Variants in RAB3IP observed in about 807,000 individuals in gnomAD.
RAB3IP encodes the protein RAB3A interacting protein.
RAB3IP carries 36 observed loss-of-function variants against 59.1 expected under a neutral mutation model. The observed-to-expected ratio is 0.61, with a 90% CI of 0.47 to 0.80. The LOEUF is 0.80. RAB3IP is among the 30% of genes least tolerant of loss of function. The pLI is 0.00. For synonymous variants in RAB3IP, 207 were observed against 191.2 expected, an observed-to-expected ratio of 1.08 and a Z score of -0.68; for missense variants, 511 against 536.0, an observed-to-expected ratio of 0.95 and a Z score of 0.46.
Position 69,806,476 on chromosome 12 carries a change from G to T in RAB3IP, c.1130+4755G>T, listed in dbSNP as rs1235706884. ...CTGGATTCATTGATTTTTTTGAAGG[G>T]TTTTTTGCGTCTCTATTTCCTTCAG... On this transcript the variant is annotated intron_variant, in intron 8 of 10. Transcript: ENST00000247833. 3.3e-5 allele frequency among the ~76,000 whole-genome samples: 5 copies of T among 149,978 alleles called. No individual in the cohort carries two copies. The East Asian group carries it at 7.8e-4, about 24-fold the overall frequency.
At position 69,816,494 on chromosome 12, in the gene RAB3IP, T is replaced by C. The variant is rs765488668; in HGVS notation, c.*1048T>C. 2 of 152,102 alleles carry C rather than the reference T, an allele frequency of 1.3e-5. No individual in the cohort carries two copies. Among genetic ancestry groups the C allele is most frequent in the Non-Finnish European group, 2.9e-5 (2 of 68,034 alleles). 9.4% of individuals were successfully genotyped at this position (152,102 alleles called of 1,614,324 possible). ...TTGCTTTTTAAACCTAAACATTAAATATATTTTCCCTTGGGTAAACCTACA... is the reference window on the plus strand; with the variant it reads ...TTGCTTTTTAAACCTAAACATTAAACATATTTTCCCTTGGGTAAACCTACA... On this transcript the variant is annotated 3_prime_UTR_variant, in exon 11 of 11. Coordinates refer to ENST00000247833, the MANE Select transcript of RAB3IP (RefSeq NM_022456.5).
chr12:69,746,938 A>C (rs1442993767), intron 1 of RAB3IP, among the ~76,000 whole-genome samples: 1 of 152,210 alleles, frequency 6.6e-6, no homozygotes, highest in Non-Finnish European at 1.5e-5. Flanking sequence ...TGCTTACATA[A>C]TCTTAAACCT....
At chr12:69,804,262 T>C (rs1387339436) in intron 8 of RAB3IP, among the ~76,000 whole-genome samples, 1 of 152,254 alleles carries the variant, frequency 6.6e-6, no homozygotes, top group Non-Finnish European at 1.5e-5. Flanking sequence ...ATGATGAGCA[T>C]TTTTTCATGT....
rs904402752 is a variant in RAB3IP, at chr12:69,822,944, T to C, written c.*7498T>C. ...GCTCATGTTTTAAGAAATATACTTA[T>C]TGTTTAATATATCCTGTACCACTGT... On this transcript the variant is annotated 3_prime_UTR_variant, in exon 11 of 11. Transcript: ENST00000247833. 6.6e-6 allele frequency: 1 copy of C among 152,182 alleles called. No homozygotes were observed. Among genetic ancestry groups the C allele is most frequent in the Non-Finnish European group, 1.5e-5 (1 of 68,030 alleles). 9.4% of individuals were successfully genotyped at this position (152,182 alleles called of 1,614,324 possible).
chr12:69,773,399 CTTTTTTTT>C (rs71437123), intron 3 of RAB3IP, among the ~76,000 whole-genome samples: 5 of 48,004 alleles, frequency 1.0e-4, no homozygotes, highest in East Asian at 1.3e-3. Flanking sequence ...ATTTGTCTTT[CTTTTTTTT>C]TTTTTTTTTT....
chr12:69,791,358 T>G (rs79492211), intron 4 of RAB3IP, among the ~76,000 whole-genome samples: 5,997 of 152,090 alleles, frequency 0.039, 127 homozygotes, highest in Non-Finnish European at 0.048. Flanking sequence ...CTAAAAAGCT[T>G]CTGCCCAGCA....
At chr12:69,771,700 T>C (rs1873143312) in intron 3 of RAB3IP, among the ~76,000 whole-genome samples, 1 of 152,204 alleles carries the variant, frequency 6.6e-6, no homozygotes, top group Admixed American at 6.5e-5. Context: ...CTATTTTTAA[T>C]TTTTGGGAGA....
intron 10 of RAB3IP, among the ~76,000 whole-genome samples, chr12:69,814,808 AC>A (rs1453143459): frequency 6.6e-6 from 1 of 152,172 alleles, no homozygotes; most frequent in African/African-American, 2.4e-5. Flanking sequence ...GTGGGAACTT[AC>A]AAAAGTATAG....
chr12:69,781,980 A>G (rs540625498), intron 3 of RAB3IP, among the ~76,000 whole-genome samples: 20 of 152,300 alleles, frequency 1.3e-4, no homozygotes, highest in African/African-American at 4.6e-4. Context: ...CCCATTTTGC[A>G]TTGTCACTAG....
chr12:69,769,433 A>G (rs1256448204), intron 3 of RAB3IP, among the ~76,000 whole-genome samples: 1 of 152,184 alleles, frequency 6.6e-6, no homozygotes, highest in African/African-American at 2.4e-5. Context: ...CACAGAGGGA[A>G]GTTCTCTGCC....
intron 4 of RAB3IP, among the ~76,000 whole-genome samples, chr12:69,786,768 G>A (rs1423661519): frequency 6.7e-6 from 1 of 149,328 alleles, no homozygotes; most frequent in Non-Finnish European, 1.5e-5. Context: ...GTAAGTAGCA[G>A]GATGTGAAGG....
intron 8 of RAB3IP, among the ~76,000 whole-genome samples, chr12:69,811,142 AC>A (rs2136283980): frequency 6.6e-6 from 1 of 152,302 alleles, no homozygotes; most frequent in East Asian, 1.9e-4. Context: ...GCAGAAAACC[AC>A]ATGCTGCCTG....
In RAB3IP at chr12:69,758,868, C is replaced by T. The variant is rs541149804; in HGVS notation, c.510+2205C>T. ...TTGTTTTTTTTTTTCTCAACAAACA[C>T]TTTCATAATTTTACGTCTTTGTCTT... On this transcript the variant is annotated intron_variant, in intron 3 of 10. Transcript: ENST00000247833. 8.9e-4 allele frequency among the ~76,000 whole-genome samples: 127 copies of T among 142,940 alleles called. 1 individual carries two copies. The Middle Eastern group carries it at 0.011, about 12-fold the overall frequency. 93.8% of individuals were successfully genotyped at this position (142,940 alleles called of 152,430 possible). A position where few individuals can be genotyped will look rare whatever the true frequency, so the allele number is the denominator to read the frequency against.
chr12:69,771,844 G>T (rs1463329123), intron 3 of RAB3IP, among the ~76,000 whole-genome samples: 1 of 152,078 alleles, frequency 6.6e-6, no homozygotes, highest in East Asian at 1.9e-4. Context: ...TTCTAAGTGG[G>T]TTGAGATGAT....
chr12:69,742,257 G>A (rs1887418745), intron 1 of RAB3IP, among the ~76,000 whole-genome samples: 2 of 152,126 alleles, frequency 1.3e-5, no homozygotes, highest in African/African-American at 4.8e-5. Flanking sequence ...ACTTTTTTCC[G>A]ATATAATTCT....
chr12:69,749,459 A>C (rs1417154531), intron 1 of RAB3IP, among the ~76,000 whole-genome samples: 1 of 152,192 alleles, frequency 6.6e-6, no homozygotes, highest in African/African-American at 2.4e-5. Flanking sequence ...TTTAATTTTC[A>C]TTCTGTTAGG....
At chr12:69,790,490 T>A (rs1189645628) in intron 4 of RAB3IP, among the ~76,000 whole-genome samples, 1 of 152,234 alleles carries the variant, frequency 6.6e-6, no homozygotes, top group Non-Finnish European at 1.5e-5. Flanking sequence ...CCAAGTGATT[T>A]ACAGATACAA....
intron 6 of RAB3IP, among the ~76,000 whole-genome samples, chr12:69,796,872 T>C (rs959997820): frequency 2.0e-5 from 3 of 152,256 alleles, no homozygotes; most frequent in Admixed American, 1.3e-4. Context: ...AACAAAATTA[T>C]AAGTGTCTTC....
At chr12:69,797,858 A>C (rs564488355) in intron 6 of RAB3IP, among the ~76,000 whole-genome samples, 1 of 152,160 alleles carries the variant, frequency 6.6e-6, no homozygotes, top group East Asian at 1.9e-4. Context: ...TGAACTCATC[A>C]TTTTTTATGG....
Sources: allele counts gnomAD v4.1 joint callset (sites outside exome capture counted in the v4.1 genomes callset), GRCh38; gene constraint gnomAD v4.1.1; transcripts MANE v1.5; gene names NCBI Gene and HGNC (gene_info 2026-07-23, HGNC 2026-07-21).